The following RBM20 variants were observed in gnomAD, a reference collection of about 807,000 sequenced individuals.
The protein encoded by RBM20 is RNA-binding protein 20.
In RBM20, 51 loss-of-function variants were observed where a neutral mutation model predicts 110.1. That is an observed-to-expected ratio of 0.46 (90% CI 0.37 to 0.59). The LOEUF (loss-of-function observed/expected upper bound fraction) is 0.59, where lower values mean the gene tolerates loss of function less well. RBM20 is among the 20% of genes least tolerant of loss of function. The probability of loss-of-function intolerance (pLI) is 0.00; values close to 1 mark genes in which losing one functional copy is unlikely to be tolerated. For synonymous variants in RBM20, 589 were observed against 618.2 expected (o/e 0.95, Z 0.70); for missense variants, 1,512 against 1,574.9 (o/e 0.96, Z 0.68).
chr10:110,831,391 C>T (rs551873204), intron 13 of RBM20: 3 of 507,772 alleles, frequency 5.9e-6, no homozygotes, highest in East Asian at 6.4e-5. Context: ...ATGGAAAACC[C>T]CTAATCTTCC....
chr10:110,666,618 C>A (rs368156287), intron 1 of RBM20, among the ~76,000 whole-genome samples: 4 of 152,084 alleles, frequency 2.6e-5, no homozygotes. Context: ...TGCACTCCAG[C>A]CTGGGTGACA....
At position 110,775,613 on chromosome 10, in the gene RBM20, CCTTAT is replaced by C. The variant is rs1270788933; in HGVS notation, c.192-5184_192-5180del. 4.6e-5 allele frequency among the ~76,000 whole-genome samples: 7 copies of C among 152,304 alleles called. No individual in the cohort carries two copies. The South Asian group carries it at 1.4e-3, about 32-fold the overall frequency. On this transcript the variant is annotated intron_variant, in intron 1 of 13. Transcript: ENST00000369519. Reference sequence around the variant, plus strand: ...CCTCCTCTCTCAGCAGTTGCCCACTCCTTATCTTCTAATCCTCTTTTCTCCCTATG... The same window carrying C: ...CCTCCTCTCTCAGCAGTTGCCCACTCCTTCTAATCCTCTTTTCTCCCTATG...
chr10:110,802,717 T>C (rs1251864250), intron 7 of RBM20, among the ~76,000 whole-genome samples: 1 of 152,226 alleles, frequency 6.6e-6, no homozygotes, highest in African/African-American at 2.4e-5. Context: ...AAATGTGCAC[T>C]GAGTGCTCAC....
intron 6 of RBM20, among the ~76,000 whole-genome samples, chr10:110,798,015 C>A (rs12356300): frequency 0.4 from 61,487 of 152,082 alleles, 12,941 homozygotes; most frequent in South Asian, 0.59. Flanking sequence ...CTCTAAGCCT[C>A]TCCTATCTGA....
intron 1 of RBM20, among the ~76,000 whole-genome samples, chr10:110,730,129 T>G (rs1843605709): frequency 6.6e-6 from 1 of 152,226 alleles, no homozygotes; most frequent in African/African-American, 2.4e-5. Context: ...TTCTCTTTTT[T>G]AAGACTAGTC....
At chr10:110,658,241 T>C (rs1862052931) in intron 1 of RBM20, among the ~76,000 whole-genome samples, 1 of 152,198 alleles carries the variant, frequency 6.6e-6, no homozygotes, top group Non-Finnish European at 1.5e-5. Context: ...AGCCGAGTAT[T>C]AGAGCAGTTC....
chr10:110,725,172 G>C (rs1160390212), intron 1 of RBM20, among the ~76,000 whole-genome samples: 1 of 152,246 alleles, frequency 6.6e-6, no homozygotes, highest in Non-Finnish European at 1.5e-5. Flanking sequence ...GAATGTGCCA[G>C]AGTTGAGTGT....
At chr10:110,695,586 A>T (rs181351816) in intron 1 of RBM20, among the ~76,000 whole-genome samples, 1 of 152,338 alleles carries the variant, frequency 6.6e-6, no homozygotes, top group East Asian at 1.9e-4. Context: ...AAAGGAGGTG[A>T]TGTATTGAAG....
chr10:110,737,182 A>AAAAAAAAAAAAAAAAAAAAAAAAC (rs1023856856), intron 1 of RBM20, among the ~76,000 whole-genome samples: 1 of 137,092 alleles, frequency 7.3e-6, no homozygotes, highest in African/African-American at 2.8e-5. Flanking sequence ...TGCCTCAAAA[A>AAAAAAAAAAAAAAAAAAAAAAAAC]AAAAAAAAAA....
Position 110,812,329 on chromosome 10 carries a change from CCCG to C in RBM20, c.1933_1935del (p.Pro645del). 6.4e-7 allele frequency: 1 copy of C among 1,551,486 alleles called. No homozygotes were observed. The highest frequency in any genetic ancestry group is 8.7e-7 in the Non-Finnish European group (1 of 1,146,966). The stretch of plus-strand genomic sequence containing the variant: ...GTAGTCCGGTGAGCCGGTCACTCTC[CCCG>C]AGGTCCCACACTCCCAGCTTCACCT... On this transcript the variant is annotated inframe_deletion, in exon 9 of 14. Transcript: ENST00000369519.
chr10:110,778,578 A>C (rs1009254139), intron 1 of RBM20, among the ~76,000 whole-genome samples: 1 of 152,268 alleles, frequency 6.6e-6, no homozygotes, highest in South Asian at 2.1e-4. Context: ...TCTACCCTGT[A>C]CTGCCTAAGC....
At chr10:110,783,535 C>T (rs1160301233) in intron 3 of RBM20, 108 bp downstream of exon 3, 1 of 809,430 alleles carries the variant, frequency 1.2e-6, no homozygotes, top group Non-Finnish European at 2.0e-6. Flanking sequence ...TAGCAGAGAC[C>T]AGAACAGGCA....
intron 8 of RBM20, among the ~76,000 whole-genome samples, chr10:110,811,589 G>C (rs369814673): frequency 6.6e-6 from 1 of 152,182 alleles, no homozygotes; most frequent in Non-Finnish European, 1.5e-5. Flanking sequence ...TACACAGGTT[G>C]GGGTCCTTGT....
At chr10:110,649,313 C>T (rs1264835637) in intron 1 of RBM20, among the ~76,000 whole-genome samples, 3 of 151,924 alleles carry the variant, frequency 2.0e-5, no homozygotes, top group South Asian at 2.1e-4. Context: ...TATTCTTCCC[C>T]GCCCACAACA....
Position 110,837,168 on chromosome 10 carries a change from TG to T in RBM20, c.*1193del, listed in dbSNP as rs1845142592. The T allele has an allele frequency of 6.6e-6, 1 of 152,242 alleles. No individual in the cohort carries two copies. The highest frequency in any genetic ancestry group is 2.4e-5 in the African/African-American group (1 of 41,470). The allele number at this position is 152,242 out of a possible 1,614,324, so 9.4% of individuals were successfully genotyped here. A position where few individuals can be genotyped will look rare whatever the true frequency, so the allele number is the denominator to read the frequency against. On this transcript the variant is annotated 3_prime_UTR_variant, in exon 14 of 14. Coordinates refer to ENST00000369519, the MANE Select transcript of RBM20 (RefSeq NM_001134363.3). The stretch of plus-strand genomic sequence containing the variant: ...TGTCTGTAGGTGGACCCTTTCCAGC[TG>T]GGCAGATAGTTGAGGGCTCCCTGGG...
intron 1 of RBM20, among the ~76,000 whole-genome samples, chr10:110,658,423 A>C (rs1397784061): frequency 6.6e-6 from 1 of 152,230 alleles, no homozygotes; most frequent in Non-Finnish European, 1.5e-5. Context: ...AACCCTGTGA[A>C]GTAGGTAGGG....
chr10:110,654,282 G>C (rs1336323920), intron 1 of RBM20, among the ~76,000 whole-genome samples: 1 of 152,172 alleles, frequency 6.6e-6, no homozygotes, highest in East Asian at 1.9e-4. Flanking sequence ...AAATATGTTT[G>C]CGTTGTATCA....
chr10:110,793,901 T>G (rs865865676), intron 5 of RBM20, among the ~76,000 whole-genome samples: 9 of 152,266 alleles, frequency 5.9e-5, no homozygotes, highest in Middle Eastern at 3.2e-3. Context: ...AGAATAATGT[T>G]TAGCCCCCTG....
At chr10:110,723,363 A>G (rs1462515779) in intron 1 of RBM20, among the ~76,000 whole-genome samples, 6 of 151,966 alleles carry the variant, frequency 3.9e-5, no homozygotes, top group Non-Finnish European at 8.8e-5. Flanking sequence ...CCCTTCCCTC[A>G]TCCTCTGGCA....
Sources: allele counts gnomAD v4.1 joint callset (sites outside exome capture counted in the v4.1 genomes callset), GRCh38; gene constraint gnomAD v4.1.1; transcripts MANE v1.5; gene names NCBI Gene and HGNC (gene_info 2026-07-23, HGNC 2026-07-21).